Variants in TMEM230 observed in about 807,000 individuals in gnomAD.
TMEM230 encodes the protein transmembrane protein 230.
Under a neutral mutation model 15.8 loss-of-function variants are expected in TMEM230, and 10 were observed. The observed-to-expected ratio is 0.63, with a 90% CI of 0.39 to 1.07. The LOEUF (loss-of-function observed/expected upper bound fraction) is 1.07. Ranked by LOEUF, TMEM230 falls within the 50% of genes least tolerant of loss-of-function variation. The pLI, the probability that TMEM230 is intolerant of heterozygous loss-of-function variation, is 0.01. For synonymous variants in TMEM230, 67 were observed against 76.9 expected (o/e 0.87, Z 0.68); for missense variants, 165 against 193.3 (o/e 0.85, Z 0.87).
intron 3 of TMEM230, among the ~76,000 whole-genome samples, chr20:5,093,853 A>G (rs2089584856): frequency 6.6e-6 from 1 of 151,786 alleles, no homozygotes; most frequent in Non-Finnish European, 1.5e-5. Flanking sequence ...GGTCCCATTT[A>G]TCAAAGCTAT....
In TMEM230 at chr20:5,085,658, G is replaced by A. The variant is rs555639355; in HGVS notation, c.223-16309C>T. ...AGGAGCCTGTTTTTCTCTGGTGTCAGGAGTTGTGATATGGGTTTCCTGTTC... is the reference window on the plus strand; with the variant it reads ...AGGAGCCTGTTTTTCTCTGGTGTCAAGAGTTGTGATATGGGTTTCCTGTTC... On this transcript the variant is annotated intron_variant, in intron 3 of 3. Coordinates refer to the TMEM230 transcript ENST00000612323. 7.2e-5 allele frequency among the ~76,000 whole-genome samples: 11 copies of A among 152,248 alleles called. No homozygotes were observed. In the East Asian group the frequency reaches 2.1e-3, roughly 29 times the overall value.
At chr20:5,080,709 G>A (rs1045157670) in intron 3 of TMEM230, among the ~76,000 whole-genome samples, 2 of 152,056 alleles carry the variant, frequency 1.3e-5, no homozygotes, top group Admixed American at 6.6e-5. Flanking sequence ...TGGGTCTACA[G>A]GCATGCGCCA....
rs1458530507 is a variant in TMEM230 at position 5,083,015 on chromosome 20, C to T, written c.223-13666G>A. Among the ~76,000 whole-genome samples the T allele has an allele frequency of 2.0e-5, 3 of 151,628 alleles. No individual in the cohort carries two copies. The East Asian group carries it at 5.8e-4, about 29-fold the overall frequency. The stretch of plus-strand genomic sequence containing the variant: ...CGATCTCGGCTCATTGCAACCTCCA[C>T]CTCCCGGGTTCAAGCGATTCTCCTG... On this transcript the variant is annotated intron_variant, in intron 3 of 3. Coordinates refer to the TMEM230 transcript ENST00000612323.
downstream of TMEM230, among the ~76,000 whole-genome samples, chr20:5,063,999 T>C (rs913551306): frequency 3.9e-5 from 6 of 151,964 alleles, no homozygotes; most frequent in South Asian, 1.2e-3. Context: ...GGAGTGGTGG[T>C]GCGCATCTGT....
Position 5,100,354 on chromosome 20 carries a change from G to A in TMEM230, c.*437C>T, listed in dbSNP as rs1238460412. ...CTAAGGTCTTCCACTGGAACATGAAGGTAGGGATAAGTGTACAGGATAATA... is the reference window on the plus strand; with the variant it reads ...CTAAGGTCTTCCACTGGAACATGAAAGTAGGGATAAGTGTACAGGATAATA... On this transcript the variant is annotated 3_prime_UTR_variant, in exon 5 of 5. Coordinates refer to ENST00000342308, the MANE Select transcript of TMEM230 (RefSeq NM_001009923.2). The A allele has an allele frequency of 1.0e-6, 1 of 985,252 alleles. No homozygotes were observed. The highest frequency in any genetic ancestry group is 1.2e-6 in the Non-Finnish European group (1 of 829,882). 61.0% of individuals were successfully genotyped at this position (985,252 alleles called of 1,614,324 possible). A position where few individuals can be genotyped will look rare whatever the true frequency, so the allele number is the denominator to read the frequency against.
At chr20:5,098,722 T>C (rs2089739673), downstream of TMEM230, among the ~76,000 whole-genome samples, 1 of 151,938 alleles carries the variant, frequency 6.6e-6, no homozygotes, top group South Asian at 2.1e-4. Flanking sequence ...AAATGCATAG[T>C]ATGAAAAACT....
intron 3 of TMEM230, among the ~76,000 whole-genome samples, chr20:5,106,553 G>A (rs1289894173): frequency 6.6e-5 from 10 of 152,038 alleles, no homozygotes; most frequent in African/African-American, 2.4e-4. Flanking sequence ...ACAGGTGCCC[G>A]CCACTACACC....
chr20:5,070,137 C>G (rs559445537), intron 3 of TMEM230, among the ~76,000 whole-genome samples: 1 of 152,146 alleles, frequency 6.6e-6, no homozygotes, highest in East Asian at 1.9e-4. Context: ...ACTTTGCTCT[C>G]GAGACACTCC....
intron 3 of TMEM230, among the ~76,000 whole-genome samples, chr20:5,090,445 C>CT (rs1414023713): frequency 3.9e-5 from 6 of 152,160 alleles, no homozygotes; most frequent in African/African-American, 1.4e-4. Context: ...CAGTCACTTC[C>CT]TCCCCTCAGA....
intron 3 of TMEM230, among the ~76,000 whole-genome samples, chr20:5,075,979 C>A (rs896245566): frequency 6.6e-6 from 1 of 151,656 alleles, no homozygotes; most frequent in African/African-American, 2.4e-5. Context: ...CGTGGTGGTG[C>A]GCACCTGTGG....
At chr20:5,083,285 ATTTTT>A (rs71197748) in intron 3 of TMEM230, among the ~76,000 whole-genome samples, 8,919 of 119,852 alleles carry the variant, frequency 0.074, 396 homozygotes, top group Non-Finnish European at 0.11. Context: ...GGTTAGGGAG[ATTTTT>A]TTTTTTTTTT....
chr20:5,098,727 A>C (rs1057402173), downstream of TMEM230, among the ~76,000 whole-genome samples: 2 of 152,154 alleles, frequency 1.3e-5, no homozygotes, highest in Admixed American at 1.3e-4. Context: ...CATAGTATGA[A>C]AAACTACACT....
chr20:5,077,775 A>C (rs528913141), intron 3 of TMEM230, among the ~76,000 whole-genome samples: 4 of 152,254 alleles, frequency 2.6e-5, no homozygotes, highest in African/African-American at 4.8e-5. Context: ...CAGAGGTTGC[A>C]GTGAGCTGAG....
intron 3 of TMEM230, among the ~76,000 whole-genome samples, chr20:5,075,222 G>C (rs1240972947): frequency 6.6e-6 from 1 of 151,482 alleles, no homozygotes; most frequent in African/African-American, 2.4e-5. Context: ...TACGCCACCA[G>C]GCCTGGCTAA....
Position 5,081,859 on chromosome 20 carries a change from ATTTTCTTTT to A in TMEM230, c.223-12519_223-12511del, listed in dbSNP as rs869154271. Among the ~76,000 whole-genome samples, 374 of 92,270 alleles carry A rather than the reference ATTTTCTTTT, an allele frequency of 4.1e-3. 3 individuals carry two copies. The highest frequency in any genetic ancestry group is 0.027 in the South Asian group (48 of 1,786). The allele number at this position is 92,270 out of a possible 152,430, so 60.5% of individuals were successfully genotyped here. A position where few individuals can be genotyped will look rare whatever the true frequency, so the allele number is the denominator to read the frequency against. On this transcript the variant is annotated intron_variant, in intron 3 of 3. Transcript: ENST00000612323. ...GGTCACTCATGTTTGAAATTCACTG[ATTTTCTTTT>A]TTTTCTTTTTTTTTTTTTTTTTTTA...
chr20:5,062,828 T>G, the TMEM230 span, among the ~76,000 whole-genome samples: 1 of 152,146 alleles, frequency 6.6e-6, no homozygotes, highest in African/African-American at 2.4e-5. Flanking sequence ...CCTATTGATA[T>G]CTACAGAGCT....
chr20:5,101,278 G>A (rs971765844), intron 4 of TMEM230, among the ~76,000 whole-genome samples: 3 of 152,050 alleles, frequency 2.0e-5, no homozygotes, highest in Non-Finnish European at 2.9e-5. Flanking sequence ...ACATTCCACC[G>A]AAATGGACAT....
chr20:5,110,334 G>C (rs746354648), intron 2 of TMEM230, among the ~76,000 whole-genome samples: 11 of 151,652 alleles, frequency 7.3e-5, no homozygotes, highest in Non-Finnish European at 1.5e-4. Flanking sequence ...GTCCAGGATG[G>C]AGTGCAGTGG....
chr20:5,085,433 C>T (rs1003675333), intron 3 of TMEM230, among the ~76,000 whole-genome samples: 1 of 152,108 alleles, frequency 6.6e-6, no homozygotes, highest in African/African-American at 2.4e-5. Flanking sequence ...GAATTACAGG[C>T]ATGCGCCACC....
Sources: gnomAD v4.1 joint callset for allele counts (sites outside exome capture counted in the v4.1 genomes callset) on GRCh38, gnomAD v4.1.1 for gene constraint, MANE v1.5 for transcripts, NCBI Gene and HGNC (gene_info 2026-07-23, HGNC 2026-07-21) for gene names.